Variants in MKLN1 observed in about 807,000 individuals in gnomAD.
MKLN1 encodes the protein muskelin 1.
In MKLN1, 18 loss-of-function variants were observed where a neutral mutation model predicts 99.0. That is an observed-to-expected ratio of 0.18 (90% CI 0.13 to 0.27). MKLN1 has a LOEUF of 0.27. Ranked by LOEUF, MKLN1 falls within the 10% of genes least tolerant of loss-of-function variation. The pLI is 1.00. For synonymous variants in MKLN1, 288 were observed against 293.2 expected, an observed-to-expected ratio of 0.98 and a Z score of 0.18; for missense variants, 621 against 875.9, an observed-to-expected ratio of 0.71 and a Z score of 3.67.
chr7:131,350,465 A>G (rs760703359), intron 1 of MKLN1, among the ~76,000 whole-genome samples: 1 of 152,188 alleles, frequency 6.6e-6, no homozygotes, highest in Non-Finnish European at 1.5e-5. Context: ...TAGATTTGAG[A>G]GGTCTTCTGC....
intron 12 of MKLN1, among the ~76,000 whole-genome samples, chr7:131,449,104 C>T (rs192587198): frequency 6.6e-6 from 1 of 152,206 alleles, no homozygotes. Flanking sequence ...GGTTGGGAAA[C>T]CATCTTTGAG....
chr7:131,366,081 A>C (rs759775003), intron 1 of MKLN1, among the ~76,000 whole-genome samples: 1 of 152,156 alleles, frequency 6.6e-6, no homozygotes, highest in African/African-American at 2.4e-5. Flanking sequence ...AACTCCCCTG[A>C]TTACAGCTGA....
intron 1 of MKLN1, among the ~76,000 whole-genome samples, chr7:131,135,284 G>A (rs113601451): frequency 7.3e-4 from 111 of 152,138 alleles, no homozygotes; most frequent in African/African-American, 2.4e-3. Context: ...CACCACGCCC[G>A]GCTAATTTTT....
In MKLN1 at chr7:131,487,536, G is replaced by T; in HGVS notation, c.2087-71G>T. 1 of 1,512,028 alleles carries T rather than the reference G, an allele frequency of 6.6e-7. No homozygotes were observed. Among genetic ancestry groups the T allele is most frequent in the South Asian group, 1.2e-5 (1 of 80,860 alleles). 93.7% of individuals were successfully genotyped at this position (1,512,028 alleles called of 1,614,324 possible). On this transcript the variant is annotated intron_variant, in intron 17 of 17. Transcript: ENST00000352689. This position sits in a 1 kb window ranked among gnomAD's most constrained non-coding sequence, Gnocchi z 4.7. ...TTTCTCCATTATAAAATACATTGCT[G>T]CTGGTCTCAACTAGTTTTTCTGTTA...
intron 1 of MKLN1, among the ~76,000 whole-genome samples, chr7:131,350,451 G>C (rs185698591): frequency 1.3e-5 from 2 of 152,292 alleles, no homozygotes; most frequent in East Asian, 3.9e-4. Flanking sequence ...CCAGTGTTTA[G>C]ACATAGATTT....
intron 2 of MKLN1, among the ~76,000 whole-genome samples, chr7:131,162,348 C>T (rs182596488): frequency 4.6e-4 from 70 of 152,182 alleles, no homozygotes; most frequent in African/African-American, 1.6e-3. Context: ...CCAACACGCT[C>T]ATGGTGTGTT....
chr7:131,360,929 T>G (rs1800010824), intron 1 of MKLN1, among the ~76,000 whole-genome samples: 1 of 152,110 alleles, frequency 6.6e-6, no homozygotes, highest in Non-Finnish European at 1.5e-5. Flanking sequence ...TAGGTTAGTG[T>G]TTTTGTTTTT....
chr7:131,417,278 A>G (rs1795047366), intron 8 of MKLN1, among the ~76,000 whole-genome samples: 1 of 152,220 alleles, frequency 6.6e-6, no homozygotes, highest in Admixed American at 6.5e-5. Context: ...TATTTCTACC[A>G]AAGAAAATCT....
chr7:131,410,371 G>A (rs1794839894), intron 6 of MKLN1, among the ~76,000 whole-genome samples: 1 of 152,056 alleles, frequency 6.6e-6, no homozygotes, highest in South Asian at 2.1e-4. Context: ...TAGTTCATAG[G>A]ATTGTTTTTA....
chr7:131,260,484 G>GA (rs1210514329), intron 3 of MKLN1, among the ~76,000 whole-genome samples: 1 of 152,048 alleles, frequency 6.6e-6, no homozygotes, highest in African/African-American at 2.4e-5. Context: ...TGACACAAAT[G>GA]AAAAAACATT....
intron 9 of MKLN1, among the ~76,000 whole-genome samples, chr7:131,429,899 A>G (rs1158698417): frequency 6.6e-6 from 1 of 152,226 alleles, no homozygotes. Context: ...TATCTTTAAT[A>G]AAAATTGTAT....
At chr7:131,404,271 G>C (rs566502496) in intron 6 of MKLN1, among the ~76,000 whole-genome samples, 21 of 152,276 alleles carry the variant, frequency 1.4e-4, no homozygotes, top group African/African-American at 4.8e-4. Context: ...ATGAGTAGTA[G>C]CTTGGTAGAA....
intron 3 of MKLN1, among the ~76,000 whole-genome samples, chr7:131,218,706 C>A (rs562561712): frequency 1.8e-4 from 27 of 152,200 alleles, no homozygotes; most frequent in African/African-American, 5.3e-4. Flanking sequence ...CATGGATGAA[C>A]CTTGGGAACA....
intron 2 of MKLN1, among the ~76,000 whole-genome samples, chr7:131,186,211 C>T (rs1327164060): frequency 6.9e-6 from 1 of 145,104 alleles, no homozygotes; most frequent in African/African-American, 2.6e-5. Context: ...AAACAAACAG[C>T]CTCTGTTCTG....
chr7:131,111,872 A>G (rs901983933), intron 1 of MKLN1, among the ~76,000 whole-genome samples: 25 of 152,362 alleles, frequency 1.6e-4, no homozygotes, highest in African/African-American at 5.8e-4. Flanking sequence ...CCCAGGAAGG[A>G]CAAGTAATTT....
chr7:131,327,889 G>A lies in MKLN1; in HGVS notation c.-11G>A. 6.2e-7 allele frequency: 1 copy of A among 1,611,462 alleles called. No homozygotes were observed. The stretch of plus-strand genomic sequence containing the variant: ...CCAGCGGTCGGTGGCGGCCGCTACG[G>A]TGCTGACAAGATGGCGGCTGGCGGA... On this transcript the variant is annotated 5_prime_UTR_variant, in exon 1 of 18. In the 5' UTR this introduces an upstream ATG that the reference lacks. Coordinates refer to ENST00000352689, the MANE Select transcript of MKLN1 (RefSeq NM_013255.5).
At chr7:131,166,413 G>T (rs1029326563) in intron 2 of MKLN1, among the ~76,000 whole-genome samples, 1 of 152,074 alleles carries the variant, frequency 6.6e-6, no homozygotes, top group Non-Finnish European at 1.5e-5. Flanking sequence ...ACCCTTCAAT[G>T]CCTTCTCATC....
intron 3 of MKLN1, among the ~76,000 whole-genome samples, chr7:131,256,511 G>A (rs994310045): frequency 2.6e-5 from 4 of 152,228 alleles, no homozygotes; most frequent in East Asian, 1.9e-4. Context: ...ACAGCATAAT[G>A]AGGTGGGTGG....
chr7:131,133,353 C>CTTTTTTTTTT (rs1198245681), intron 1 of MKLN1, among the ~76,000 whole-genome samples: 10 of 93,636 alleles, frequency 1.1e-4, no homozygotes, highest in South Asian at 4.4e-4. Flanking sequence ...TTCTTTCTTT[C>CTTTTTTTTTT]TTTTTTTTTT....
Sources: allele counts gnomAD v4.1 joint callset (sites outside exome capture counted in the v4.1 genomes callset), GRCh38; gene constraint gnomAD v4.1.1; non-coding constraint Gnocchi (gnomAD v3.1); transcripts MANE v1.5; gene names NCBI Gene and HGNC (gene_info 2026-07-23, HGNC 2026-07-21).